Variants in RABGAP1L observed in about 807,000 individuals in gnomAD.
RABGAP1L encodes the protein RAB GTPase activating protein 1 like.
In RABGAP1L, 63 loss-of-function variants were observed where a neutral mutation model predicts 137.7. The observed-to-expected ratio is 0.46, with a 90% CI of 0.37 to 0.56. The LOEUF is 0.56. Ranked by LOEUF, RABGAP1L falls within the 20% of genes least tolerant of loss-of-function variation. RABGAP1L has a pLI of 0.00. For synonymous variants in RABGAP1L, 431 were observed against 433.7 expected (o/e 0.99, Z 0.08); for missense variants, 1,095 against 1,244.0 (o/e 0.88, Z 1.80).
chr1:174,816,385 A>T (rs1349804503), intron 19 of RABGAP1L, among the ~76,000 whole-genome samples: 1 of 152,090 alleles, frequency 6.6e-6, no homozygotes, highest in Non-Finnish European at 1.5e-5. Context: ...ACCTCAGGTT[A>T]TCCACCCCCC....
intron 15 of RABGAP1L, among the ~76,000 whole-genome samples, chr1:174,694,176 C>A (rs1679077203): frequency 6.6e-6 from 1 of 151,606 alleles, no homozygotes; most frequent in South Asian, 2.1e-4. Flanking sequence ...CTGTACTATG[C>A]CATTTTTTTT....
chr1:174,902,529 G>A (rs1047001047), intron 19 of RABGAP1L, among the ~76,000 whole-genome samples: 2 of 152,160 alleles, frequency 1.3e-5, no homozygotes, highest in African/African-American at 4.8e-5. Context: ...CCTGGGGCTG[G>A]TGTATTTAAA....
chr1:174,952,613 C>G (rs945172229), intron 19 of RABGAP1L, among the ~76,000 whole-genome samples: 7 of 151,936 alleles, frequency 4.6e-5, no homozygotes, highest in African/African-American at 1.7e-4. Flanking sequence ...TATTTTGAGA[C>G]AGGGTCTCAC....
At chr1:174,636,101 T>G (rs567060792) in intron 13 of RABGAP1L, among the ~76,000 whole-genome samples, 1 of 152,302 alleles carries the variant, frequency 6.6e-6, no homozygotes, top group South Asian at 2.1e-4. Flanking sequence ...TTTCTTGACA[T>G]TTAAAAAGAT....
intron 14 of RABGAP1L, among the ~76,000 whole-genome samples, chr1:174,681,245 A>G (rs568169865): frequency 6.6e-6 from 1 of 152,358 alleles, no homozygotes; most frequent in African/African-American, 2.4e-5. Context: ...GAAAATCTGT[A>G]TCCACAAACG....
intron 5 of RABGAP1L, 112 bp from the exon 6 acceptor site, chr1:174,250,363 T>C (rs1269399336): frequency 1.4e-6 from 1 of 698,888 alleles, no homozygotes; most frequent in East Asian, 2.8e-5. Flanking sequence ...AAATATATAT[T>C]CTGCCAAAGA....
At chr1:174,339,120 T>G (rs1158873139) in intron 11 of RABGAP1L, among the ~76,000 whole-genome samples, 2 of 152,218 alleles carry the variant, frequency 1.3e-5, no homozygotes, top group African/African-American at 4.8e-5. Flanking sequence ...TGCTTCAAAA[T>G]AAACAGTTCT....
chr1:174,530,611 C>T (rs1321321295), intron 13 of RABGAP1L, among the ~76,000 whole-genome samples: 1 of 152,154 alleles, frequency 6.6e-6, no homozygotes, highest in Non-Finnish European at 1.5e-5. Flanking sequence ...CAGCTCCCTG[C>T]TGATCCCAGC....
At chr1:174,328,701 C>T (rs1011665517) in intron 11 of RABGAP1L, among the ~76,000 whole-genome samples, 40 of 152,066 alleles carry the variant, frequency 2.6e-4, no homozygotes, top group East Asian at 1.2e-3. Flanking sequence ...ACTGAGGAGG[C>T]GGAAGTTGCA....
At chr1:174,640,851 T>C (rs970297772) in intron 14 of RABGAP1L, among the ~76,000 whole-genome samples, 1 of 151,274 alleles carries the variant, frequency 6.6e-6, no homozygotes, top group African/African-American at 2.4e-5. Flanking sequence ...AGGAAATGCA[T>C]CTAATGATTA....
intron 13 of RABGAP1L, among the ~76,000 whole-genome samples, chr1:174,416,192 C>T (rs1388639019): frequency 2.0e-5 from 3 of 151,778 alleles, no homozygotes; most frequent in Admixed American, 2.0e-4. Flanking sequence ...TTAACTATTA[C>T]TATGAAGAGA....
In RABGAP1L at chr1:174,441,646, A is replaced by G. The variant is rs566891786; in HGVS notation, c.1710+47501A>G. ...CCACTTGGGAGGCTGAAGCAGGAGA[A>G]TTGCTTGAACCTGGGAGGTGAAGGT... On this transcript the variant is annotated intron_variant, in intron 13 of 25. Transcript: ENST00000681986. 1.3e-4 allele frequency among the ~76,000 whole-genome samples: 20 copies of G among 152,274 alleles called. No individual in the cohort carries two copies. In the East Asian group the frequency reaches 3.7e-3, roughly 28 times the overall value.
intron 1 of RABGAP1L, among the ~76,000 whole-genome samples, chr1:174,214,238 T>G (rs1669116355): frequency 6.6e-6 from 1 of 152,176 alleles, no homozygotes; most frequent in South Asian, 2.1e-4. Context: ...TAATCCCATT[T>G]ACAATAGCTA....
At chr1:174,533,858 G>T (rs1664652196) in intron 13 of RABGAP1L, among the ~76,000 whole-genome samples, 1 of 152,098 alleles carries the variant, frequency 6.6e-6, no homozygotes, top group Non-Finnish European at 1.5e-5. Flanking sequence ...TTTTATTAGA[G>T]ATGAGGTTTC....
At chr1:174,678,407 C>A (rs771100957) in intron 14 of RABGAP1L, among the ~76,000 whole-genome samples, 1 of 151,770 alleles carries the variant, frequency 6.6e-6, no homozygotes, top group Non-Finnish European at 1.5e-5. Context: ...TCAGGCATTA[C>A]CAAAGAAGTT....
intron 9 of RABGAP1L, 65 bp from the exon 10 acceptor site, chr1:174,278,548 A>C: frequency 7.7e-7 from 1 of 1,295,324 alleles, no homozygotes; most frequent in Non-Finnish European, 1.1e-6. Context: ...TAAGTGAGGA[A>C]ACTTTGTTTA....
Position 174,657,679 on chromosome 1 carries a change from T to G in RABGAP1L, c.1824+20191T>G, listed in dbSNP as rs544021989. On this transcript the variant is annotated intron_variant, in intron 14 of 25. Coordinates refer to ENST00000681986, the MANE Select transcript of RABGAP1L (RefSeq NM_001366446.1). ...TGGGTTGATTTCTTATCTTGGCTAT[T>G]GTAAATGCTGCAGTGAATAAAGGAG... Among the ~76,000 whole-genome samples, 3 of 152,340 alleles carry G rather than the reference T, an allele frequency of 2.0e-5. No homozygotes were observed. The South Asian group carries it at 6.2e-4, about 32-fold the overall frequency.
At position 174,850,265 on chromosome 1, in the gene RABGAP1L, G is replaced by A. The variant is rs182501051; in HGVS notation, c.2340+38305G>A. 3.7e-5 allele frequency: 9 copies of A among 243,642 alleles called. No homozygotes were observed. The East Asian group carries it at 8.3e-4, about 23-fold the overall frequency. The allele number at this position is 243,642 out of a possible 1,614,324, so 15.1% of individuals were successfully genotyped here. On this transcript the variant is annotated intron_variant, in intron 19 of 25. Coordinates refer to ENST00000681986, the MANE Select transcript of RABGAP1L (RefSeq NM_001366446.1). ...CCTAGAATAACTTTCTTCTACTGAG[G>A]CCTTGGTGATTTAACAGGAGAATTC... is the stretch of plus-strand genomic sequence containing the variant.
chr1:174,690,910 G>A (rs945339657), intron 15 of RABGAP1L, among the ~76,000 whole-genome samples: 1 of 143,440 alleles, frequency 7.0e-6, no homozygotes, highest in Non-Finnish European at 1.5e-5. Flanking sequence ...TTGGCTCACT[G>A]TAGCCTCTTC....
Sources: gnomAD v4.1 joint callset for allele counts (sites outside exome capture counted in the v4.1 genomes callset) on GRCh38, gnomAD v4.1.1 for gene constraint, MANE v1.5 for transcripts, NCBI Gene and HGNC (gene_info 2026-07-23, HGNC 2026-07-21) for gene names.